The following NT5C3A variants were observed in gnomAD, a reference collection of about 807,000 sequenced individuals.
NT5C3A encodes the protein cytosolic 5'-nucleotidase 3A.
Under a neutral mutation model 40.0 loss-of-function variants are expected in NT5C3A, and 23 were observed. The observed-to-expected ratio is 0.58, with a 90% CI of 0.41 to 0.81. The LOEUF is 0.81. NT5C3A is among the 40% of genes least tolerant of loss of function. NT5C3A has a pLI of 0.00. For synonymous variants in NT5C3A, 130 were observed against 141.4 expected, an observed-to-expected ratio of 0.92 and a Z score of 0.57; for missense variants, 328 against 403.0, an observed-to-expected ratio of 0.81 and a Z score of 1.59.
intron 1 of NT5C3A, among the ~76,000 whole-genome samples, chr7:33,042,228 C>T (rs1473878990): frequency 1.3e-5 from 2 of 151,944 alleles, no homozygotes; most frequent in African/African-American, 4.8e-5. Context: ...ATCCCAGCTA[C>T]TCAGGGTAGG....
chr7:33,051,166 T>C lies in NT5C3A; in HGVS notation c.138+11402A>G, dbSNP rs572725235. On this transcript the variant is annotated intron_variant, in intron 1 of 8. Coordinates refer to ENST00000610140, the MANE Select transcript of NT5C3A (RefSeq NM_001002010.5). Reference sequence around the variant, plus strand: ...GAACTATTTTTATTTTTATTTTTTATTTATTTATTTTTTTTGAGATGGAGT... The same window carrying C: ...GAACTATTTTTATTTTTATTTTTTACTTATTTATTTTTTTTGAGATGGAGT... Among the ~76,000 whole-genome samples the C allele has an allele frequency of 1.2e-3, 176 of 152,214 alleles. 1 individual carries two copies. In the South Asian group the frequency reaches 0.035, roughly 31 times the overall value.
At chr7:33,054,353 CAAA>C (rs35691055) in intron 1 of NT5C3A, among the ~76,000 whole-genome samples, 25 of 135,242 alleles carry the variant, frequency 1.8e-4, no homozygotes, top group East Asian at 4.3e-4. Context: ...GACCCTGCCT[CAAA>C]AAAAAAAAAA....
chr7:33,017,129 G>A, intron 7 of NT5C3A: 1 of 319,046 alleles, frequency 3.1e-6, no homozygotes, highest in South Asian at 4.9e-5. Context: ...GTTACAATGT[G>A]CTGAGATTGT....
At position 33,035,814 on chromosome 7, in the gene NT5C3A, T is replaced by G. The variant is rs1786565848; in HGVS notation, c.139-8899A>C. 1.1e-5 allele frequency: 9 copies of G among 797,082 alleles called. 1 individual carries two copies. In the Admixed American group the frequency reaches 1.5e-4, roughly 13 times the overall value. The allele number at this position is 797,082 out of a possible 1,614,324, so 49.4% of individuals were successfully genotyped here. A position where few individuals can be genotyped will look rare whatever the true frequency, so the allele number is the denominator to read the frequency against. On this transcript the variant is annotated intron_variant, in intron 1 of 8. Coordinates refer to ENST00000610140, the MANE Select transcript of NT5C3A (RefSeq NM_001002010.5). ...TAAGTATTTGAGGTTTATTTTGTGA[T>G]GCACTGTGAAGAAAGAGTTGTATAA...
chr7:33,046,625 TCTTA>T (rs1787169231), intron 1 of NT5C3A, among the ~76,000 whole-genome samples: 2 of 152,310 alleles, frequency 1.3e-5, no homozygotes, highest in Admixed American at 1.3e-4. Context: ...TTTTTTACTT[TCTTA>T]CTTAAAAAGC....
chr7:33,050,805 A>G (rs1354069151), intron 1 of NT5C3A, among the ~76,000 whole-genome samples: 3 of 152,252 alleles, frequency 2.0e-5, no homozygotes, highest in Non-Finnish European at 4.4e-5. Flanking sequence ...CTTGGTTTAA[A>G]TTGTATAGAT....
chr7:33,043,132 T>C (rs1270143809), intron 1 of NT5C3A, among the ~76,000 whole-genome samples: 9 of 152,200 alleles, frequency 5.9e-5, no homozygotes, highest in Non-Finnish European at 1.2e-4. Context: ...CAGAAATGGA[T>C]TCTAACTCAG....
At chr7:33,058,280 T>C (rs189349773) in intron 1 of NT5C3A, among the ~76,000 whole-genome samples, 1 of 152,274 alleles carries the variant, frequency 6.6e-6, no homozygotes, top group Admixed American at 6.5e-5. Context: ...AGATGTAATA[T>C]AATGAGAATA....
At chr7:33,019,558 A>G in intron 6 of NT5C3A, 77 bp downstream of exon 6, 1 of 894,372 alleles carries the variant, frequency 1.1e-6, no homozygotes, top group East Asian at 2.4e-5. Context: ...TTATTTTTAA[A>G]AAGTACAACT....
At chr7:33,045,421 A>C (rs189268227) in intron 1 of NT5C3A, among the ~76,000 whole-genome samples, 1 of 152,298 alleles carries the variant, frequency 6.6e-6, no homozygotes, top group Non-Finnish European at 1.5e-5. Context: ...AGATGAAATA[A>C]TCATTTATCA....
chr7:33,027,086 T>G (rs1466074115), intron 1 of NT5C3A, 171 bp from the exon 2 acceptor site: 3 of 539,772 alleles, frequency 5.6e-6, no homozygotes, highest in Non-Finnish European at 9.8e-6. Flanking sequence ...ATTACTTTTT[T>G]AGAGATGAGG....
At chr7:33,014,991 C>T (rs968144760) in intron 8 of NT5C3A, among the ~76,000 whole-genome samples, 160 bp from the exon 9 acceptor site, 4 of 152,054 alleles carry the variant, frequency 2.6e-5, no homozygotes, top group African/African-American at 9.7e-5. Flanking sequence ...TCCTTAAGAC[C>T]CACTGACAGA....
chr7:33,049,401 C>T (rs968282548), intron 1 of NT5C3A, among the ~76,000 whole-genome samples: 2 of 152,096 alleles, frequency 1.3e-5, no homozygotes, highest in Non-Finnish European at 2.9e-5. Context: ...CAAGGACTTA[C>T]CAACTACTAA....
In NT5C3A at chr7:33,014,733, T is replaced by C. The variant is rs773115660; in HGVS notation, c.993A>G (p.Leu331=). 16 of 1,611,808 alleles carry C rather than the reference T, an allele frequency of 9.9e-6. No individual in the cohort carries two copies. The Admixed American group carries it at 1.2e-4, about 12-fold the overall frequency. Residue 331 remains leucine, a synonymous_variant, in exon 9 of 9, where the codon CTA becomes CTG. Transcript: ENST00000610140. ...EVANSILQKI[L] is the part of the protein sequence containing the mutation. The stretch of plus-strand genomic sequence containing the variant: ...GGTCTTCTTGGAGAATGCTTGTTTA[T>C]AGAATCTTCTGTAAAATAGAGTTGG...
intron 1 of NT5C3A, among the ~76,000 whole-genome samples, chr7:33,043,945 TATAG>T (rs376763863): frequency 2.6e-5 from 4 of 152,308 alleles, no homozygotes; most frequent in African/African-American, 9.6e-5. Context: ...CCTCCCTTTT[TATAG>T]ATAAAGAATC....
chr7:33,059,311 T>C (rs1391660722), intron 1 of NT5C3A, among the ~76,000 whole-genome samples: 2 of 152,226 alleles, frequency 1.3e-5, no homozygotes, highest in Non-Finnish European at 2.9e-5. Context: ...ACTTTAAATA[T>C]ATTAACTATT....
chr7:33,044,320 A>G (rs576004921), intron 1 of NT5C3A, among the ~76,000 whole-genome samples: 15 of 152,202 alleles, frequency 9.9e-5, no homozygotes, highest in Non-Finnish European at 2.1e-4. Context: ...CAAGAAAGGA[A>G]TAAGGACACA....
chr7:33,019,547 C>A (rs764203614), intron 6 of NT5C3A, 88 bp downstream of exon 6: 3 of 826,724 alleles, frequency 3.6e-6, no homozygotes, highest in Non-Finnish European at 4.2e-6. Context: ...AATATTCAAT[C>A]TTATTTTTAA....
chr7:33,016,355 CAG>C (rs1318809142), intron 7 of NT5C3A, among the ~76,000 whole-genome samples: 3 of 141,550 alleles, frequency 2.1e-5, no homozygotes, highest in African/African-American at 5.3e-5. Flanking sequence ...GCCTGGGTGA[CAG>C]AGTGAGACTC....
Sources: allele counts gnomAD v4.1 joint callset (sites outside exome capture counted in the v4.1 genomes callset), GRCh38; gene constraint gnomAD v4.1.1; transcripts MANE v1.5; gene names NCBI Gene and HGNC (gene_info 2026-07-23, HGNC 2026-07-21).